LRRC7: variants seen among roughly 807,000 people sequenced by gnomAD.
LRRC7 encodes the protein leucine rich repeat containing 7.
A neutral mutation model predicts 175.7 loss-of-function variants in LRRC7; 23 were observed. That is an observed-to-expected ratio of 0.13 (90% CI 0.09 to 0.19). The LOEUF (loss-of-function observed/expected upper bound fraction) is 0.19, where lower values mean the gene tolerates loss of function less well. LRRC7 is among the 10% of genes least tolerant of loss of function. LRRC7 has a pLI of 1.00. For synonymous variants in LRRC7, 685 were observed against 680.9 expected (o/e 1.01, Z -0.09); for missense variants, 1,354 against 1,904.7 (o/e 0.71, Z 5.38).
chr1:69,665,231 G>T (rs1658094847), intron 1 of LRRC7, among the ~76,000 whole-genome samples: 2 of 152,250 alleles, frequency 1.3e-5, no homozygotes, highest in South Asian at 4.1e-4. Context: ...TTTAAAGGCA[G>T]GTAATGTGAT....
chr1:69,688,495 G>A (rs376884587), intron 2 of LRRC7, among the ~76,000 whole-genome samples: 9 of 152,056 alleles, frequency 5.9e-5, no homozygotes, highest in Non-Finnish European at 7.4e-5. Context: ...TAAGACAGGC[G>A]TCAGAACTTC....
chr1:70,083,194 A>G (rs1313509192), intron 24 of LRRC7, among the ~76,000 whole-genome samples: 1 of 152,208 alleles, frequency 6.6e-6, no homozygotes, highest in Non-Finnish European at 1.5e-5. Flanking sequence ...TTCAAAAAAT[A>G]TTAATTATCC....
At position 70,140,909 on chromosome 1, in the gene LRRC7, A is replaced by G. The variant is rs528467326; in HGVS notation, c.*19022A>G. Among the ~76,000 whole-genome samples, 3 of 152,264 alleles carry G rather than the reference A, an allele frequency of 2.0e-5. No homozygotes were observed. The East Asian group carries it at 5.8e-4, about 29-fold the overall frequency. ...AATGACAAGGACCACTGGGAGCAGC[A>G]TCGAGAAGCAACTTTCAGTCATTTT... On this transcript the variant is annotated 3_prime_UTR_variant, in exon 27 of 27. Coordinates refer to ENST00000651989, the MANE Select transcript of LRRC7 (RefSeq NM_001370785.2).
chr1:70,123,907 T>C lies in LRRC7; in HGVS notation c.*2020T>C, dbSNP rs1666324974. 6.6e-6 allele frequency among the ~76,000 whole-genome samples: 1 copy of C among 152,162 alleles called. No individual in the cohort carries two copies. Among genetic ancestry groups the C allele is most frequent in the Non-Finnish European group, 1.5e-5 (1 of 68,026 alleles). On this transcript the variant is annotated 3_prime_UTR_variant, in exon 27 of 27. Transcript: ENST00000651989. ...AAATCATCCCATCAGTTTTTCTTAA[T>C]CTTTTATGGGAGAAGTGGGAGAAGA...
rs908086702 is a variant in LRRC7, at chr1:70,138,177, A to G, written c.*16290A>G. ...ATTAAAAATATGTGATGGATTGTGCAGCATGCTTACATTTGAAAATGGAGA... is the reference window on the plus strand; with the variant it reads ...ATTAAAAATATGTGATGGATTGTGCGGCATGCTTACATTTGAAAATGGAGA... On this transcript the variant is annotated 3_prime_UTR_variant, in exon 27 of 27. Transcript: ENST00000651989. 1.9e-4 allele frequency: 29 copies of G among 152,182 alleles called. No homozygotes were observed. Among genetic ancestry groups the G allele is most frequent in the Non-Finnish European group, 4.0e-4 (27 of 68,032 alleles). The allele number at this position is 152,182 out of a possible 1,614,324, so 9.4% of individuals were successfully genotyped here.
intron 2 of LRRC7, among the ~76,000 whole-genome samples, chr1:69,751,214 C>T (rs1385567134): frequency 6.6e-6 from 1 of 152,080 alleles, no homozygotes; most frequent in Non-Finnish European, 1.5e-5. Flanking sequence ...TTATTTGATG[C>T]TCATCTCTCT....
chr1:69,906,983 G>T (rs1249948137), intron 7 of LRRC7, among the ~76,000 whole-genome samples: 1 of 151,936 alleles, frequency 6.6e-6, no homozygotes, highest in East Asian at 1.9e-4. Context: ...CACATCCCTT[G>T]TAAGTTGGAT....
At chr1:69,882,321 T>A (rs964751856) in intron 7 of LRRC7, among the ~76,000 whole-genome samples, 4 of 152,224 alleles carry the variant, frequency 2.6e-5, no homozygotes, top group African/African-American at 4.8e-5. Context: ...CCTTAAAAAG[T>A]TAAAACTACC....
intron 2 of LRRC7, among the ~76,000 whole-genome samples, chr1:69,689,815 T>C (rs1185792319): frequency 2.0e-5 from 3 of 152,192 alleles, no homozygotes; most frequent in African/African-American, 7.2e-5. Context: ...AGTTAAACAG[T>C]GTCGTAACAA....
intron 8 of LRRC7, among the ~76,000 whole-genome samples, chr1:69,976,312 A>G (rs910363269): frequency 1.3e-5 from 2 of 152,328 alleles, no homozygotes; most frequent in East Asian, 1.9e-4. Context: ...GAGGGAAGGA[A>G]GCATCCAGCA....
At position 70,039,783 on chromosome 1, in the gene LRRC7, G is replaced by A. The variant is rs143979484; in HGVS notation, c.3959G>A (p.Arg1320Gln). The A allele has an allele frequency of 1.0e-5, 16 of 1,589,920 alleles. No homozygotes were observed. The highest frequency in any genetic ancestry group is 6.7e-5 in the East Asian group (3 of 44,776). The change falls in exon 21 of 27, where the codon CGG (arginine) becomes CAG (glutamine). Residue 1320 changes from arginine to glutamine, a missense_variant. Physicochemically the swap from Arg to Gln is conservative, Grantham distance 43 (BLOSUM62 1). Coordinates refer to ENST00000651989, the MANE Select transcript of LRRC7 (RefSeq NM_001370785.2). ...QQLLRHIEAR[R>Q]LDRNAAYKHN... is the part of the protein sequence containing the mutation. ...CTGCTTAGACATATAGAAGCTAGACGGTTAGACAGGGTATGTCTGGTGTTT... is the reference window on the plus strand; with the variant it reads ...CTGCTTAGACATATAGAAGCTAGACAGTTAGACAGGGTATGTCTGGTGTTT...
chr1:69,814,189 A>G (rs1678307466), intron 4 of LRRC7, among the ~76,000 whole-genome samples: 1 of 152,040 alleles, frequency 6.6e-6, no homozygotes, highest in Non-Finnish European at 1.5e-5. Flanking sequence ...TAAAAAAGAT[A>G]TCGTGTTTTG....
intron 6 of LRRC7, among the ~76,000 whole-genome samples, chr1:69,835,210 TC>T (rs1363496163): frequency 6.6e-6 from 1 of 151,806 alleles, no homozygotes; most frequent in African/African-American, 2.4e-5. Context: ...AAGAAAAATA[TC>T]ATAAATGGAT....
chr1:69,708,548 A>G (rs1379212480), intron 2 of LRRC7, among the ~76,000 whole-genome samples: 2 of 152,196 alleles, frequency 1.3e-5, no homozygotes, highest in African/African-American at 4.8e-5. Context: ...GTTAGTTATT[A>G]GTGTAATAGT....
intron 5 of LRRC7, among the ~76,000 whole-genome samples, chr1:69,831,936 A>G (rs1680570681): frequency 1.3e-5 from 2 of 152,174 alleles, no homozygotes; most frequent in South Asian, 4.1e-4. Context: ...GTTCTGTTAT[A>G]CATAGTTTCA....
intron 23 of LRRC7, among the ~76,000 whole-genome samples, chr1:70,054,578 CTTT>C (rs35639787): frequency 4.3e-4 from 23 of 53,804 alleles, no homozygotes; most frequent in Non-Finnish European, 6.9e-4. Flanking sequence ...TTACACTCTA[CTTT>C]TTTTTTTTTT....
chr1:70,117,862 A>G (rs1223918036), intron 26 of LRRC7, among the ~76,000 whole-genome samples: 1 of 152,178 alleles, frequency 6.6e-6, no homozygotes, highest in East Asian at 1.9e-4. Flanking sequence ...AGGTAGCCAA[A>G]TGCAGCAATA....
rs1279713803 is a variant in LRRC7 at position 70,076,179 on chromosome 1, C to A, written c.4333C>A (p.Gln1445Lys). 2 of 1,614,124 alleles carry A rather than the reference C, an allele frequency of 1.2e-6. No homozygotes were observed. The highest frequency in any genetic ancestry group is 1.7e-5 in the Admixed American group (1 of 60,014). Residue 1445 changes from glutamine (Q) to lysine (K), a missense_variant, in exon 24 of 27, where the codon CAA becomes AAA. Physicochemically the swap from Gln to Lys is moderately conservative, Grantham distance 53. Transcript: ENST00000651989. ...AAATATAAACAAAGTGACCATCCAG[C>A]AATTTCAGTCACCATTGCCTATTCA... Reference protein sequence around the residue: ...EGNINKVTIQQFQSPLPIQIP... With the variant: ...EGNINKVTIQKFQSPLPIQIP...
At chr1:69,734,079 A>G (rs1330859060) in intron 2 of LRRC7, among the ~76,000 whole-genome samples, 1 of 152,004 alleles carries the variant, frequency 6.6e-6, no homozygotes, top group Non-Finnish European at 1.5e-5. Flanking sequence ...AGTGTCACAT[A>G]TATTTATCAG....
Sources: gnomAD v4.1 joint callset for allele counts (sites outside exome capture counted in the v4.1 genomes callset) on GRCh38, gnomAD v4.1.1 for gene constraint, MANE v1.5 for transcripts, NCBI Gene and HGNC (gene_info 2026-07-23, HGNC 2026-07-21) for gene names.